The following SCAPER variants were observed in gnomAD, a reference collection of about 807,000 sequenced individuals.
The protein encoded by SCAPER is S-phase cyclin A associated protein in the ER.
SCAPER carries 98 observed loss-of-function variants against 182.2 expected under a neutral mutation model. The observed-to-expected ratio is 0.54, with a 90% CI of 0.46 to 0.64. SCAPER has a LOEUF of 0.64. SCAPER is among the 30% of genes least tolerant of loss of function. SCAPER has a pLI of 0.00. For missense variants in SCAPER, 1,432 were observed against 1,690.0 expected (o/e 0.85, Z 2.68); for synonymous variants, 605 against 564.6 (o/e 1.07, Z -1.01).
intron 15 of SCAPER, among the ~76,000 whole-genome samples, chr15:76,749,523 A>G (rs910514676): frequency 5.3e-5 from 8 of 152,078 alleles, no homozygotes; most frequent in African/African-American, 1.9e-4. Flanking sequence ...AAAAACATAC[A>G]GACTGGAAAG....
intron 21 of SCAPER, among the ~76,000 whole-genome samples, chr15:76,646,271 C>T (rs149888166): frequency 1.3e-4 from 20 of 152,210 alleles, no homozygotes; most frequent in African/African-American, 4.1e-4. Context: ...AACACACACA[C>T]GCACCCCCCA....
At chr15:76,754,462 G>C (rs539397835) in intron 14 of SCAPER, among the ~76,000 whole-genome samples, 1 of 151,998 alleles carries the variant, frequency 6.6e-6, no homozygotes, top group East Asian at 1.9e-4. Flanking sequence ...ATTTGCATAA[G>C]AAACATTCTC....
At chr15:76,872,584 T>C (rs1436516467) in intron 2 of SCAPER, among the ~76,000 whole-genome samples, 3 of 151,796 alleles carry the variant, frequency 2.0e-5, no homozygotes, top group African/African-American at 7.3e-5. Context: ...TTTTCTAGTA[T>C]AAAAAATATT....
intron 22 of SCAPER, among the ~76,000 whole-genome samples, chr15:76,604,992 T>A (rs530992415): frequency 6.6e-6 from 1 of 152,320 alleles, no homozygotes; most frequent in South Asian, 2.1e-4. Flanking sequence ...CTTGACTTCC[T>A]CTTTTCCTAA....
At chr15:76,497,989 CAAAAAAAAAA>C (rs747096625) in intron 24 of SCAPER, among the ~76,000 whole-genome samples, 30 of 58,328 alleles carry the variant, frequency 5.1e-4, no homozygotes, top group East Asian at 1.8e-3. Context: ...GACTCCGTCT[CAAAAAAAAAA>C]AAAAAAAAAA....
intron 23 of SCAPER, among the ~76,000 whole-genome samples, chr15:76,553,196 T>A (rs561945668): frequency 7.2e-5 from 11 of 152,322 alleles, no homozygotes; most frequent in Non-Finnish European, 1.5e-4. Context: ...CCAACCCAGC[T>A]GAGGCACAGG....
rs907521478 is a variant in SCAPER at position 76,574,230 on chromosome 15, G to A, written c.2766C>T (p.Gly922=). The change falls in exon 23 of 32, where the codon GGC becomes GGT. Residue 922 remains glycine (G), a synonymous_variant. Coordinates refer to ENST00000563290, the MANE Select transcript of SCAPER (RefSeq NM_020843.4). The part of the protein sequence containing the change: ...LLKQVQVQDS[G]SWANNKVSAL... ...CAGACACTTTATTGTTTGCCCATGA[G>A]CCACTGTCTTGAACTTGTACTTGTT... is the stretch of plus-strand genomic sequence containing the variant. 3 of 1,611,734 alleles carry A rather than the reference G, an allele frequency of 1.9e-6. No homozygotes were observed. The highest frequency in any genetic ancestry group is 2.7e-5 in the African/African-American group (2 of 74,870).
intron 23 of SCAPER, among the ~76,000 whole-genome samples, chr15:76,557,467 G>T (rs2046275715): frequency 6.6e-6 from 1 of 152,188 alleles, no homozygotes; most frequent in Non-Finnish European, 1.5e-5. Context: ...GAGGTGACTG[G>T]ATCATGTGGG....
chr15:76,579,792 T>C (rs1191866123), intron 22 of SCAPER, among the ~76,000 whole-genome samples: 2 of 151,814 alleles, frequency 1.3e-5, no homozygotes, highest in African/African-American at 4.8e-5. Flanking sequence ...ATTTCTCCTA[T>C]AAAGACACAC....
intron 17 of SCAPER, among the ~76,000 whole-genome samples, chr15:76,712,879 T>A (rs79583818): frequency 6.6e-6 from 1 of 150,602 alleles, no homozygotes. Flanking sequence ...TCATGTCATC[T>A]GCAAACAGGG....
At position 76,901,589 on chromosome 15, in the gene SCAPER, TTC is replaced by T. The variant is rs757579926; in HGVS notation, c.-60+3708_-60+3709del. 4.6e-5 allele frequency among the ~76,000 whole-genome samples: 7 copies of T among 152,376 alleles called. No individual in the cohort carries two copies. In the East Asian group the frequency reaches 9.6e-4, roughly 21 times the overall value. On this transcript the variant is annotated intron_variant, in intron 1 of 31. Transcript: ENST00000563290. ...TGATACATAGCAGTTCATCATACTA[TTC>T]TCTTTTGCGTATGTTTCAAAACATA...
intron 22 of SCAPER, among the ~76,000 whole-genome samples, chr15:76,604,856 T>C (rs1480255403): frequency 6.6e-6 from 1 of 151,698 alleles, no homozygotes; most frequent in East Asian, 1.9e-4. Context: ...AAAATGCTTG[T>C]GATTTTTGCA....
intron 5 of SCAPER, among the ~76,000 whole-genome samples, chr15:76,833,009 T>C (rs1474449383): frequency 6.6e-6 from 1 of 152,034 alleles, no homozygotes; most frequent in Non-Finnish European, 1.5e-5. Context: ...ACTAGACACA[T>C]CAACATGCAA....
chr15:76,503,224 C>T (rs139130929), intron 24 of SCAPER, among the ~76,000 whole-genome samples: 51 of 152,278 alleles, frequency 3.3e-4, no homozygotes, highest in African/African-American at 1.1e-3. Context: ...TTCTTCCTTT[C>T]TACCTTCCTC....
chr15:76,733,785 C>A (rs2061070908), intron 15 of SCAPER, among the ~76,000 whole-genome samples: 3 of 151,294 alleles, frequency 2.0e-5, no homozygotes, highest in South Asian at 2.1e-4. Context: ...AGAAATCTAA[C>A]AACAGTCTTT....
intron 26 of SCAPER, among the ~76,000 whole-genome samples, chr15:76,422,266 T>C (rs1204399193): frequency 5.3e-5 from 8 of 152,296 alleles, no homozygotes; most frequent in East Asian, 1.9e-4. Flanking sequence ...GAATGTTCTT[T>C]CATTTGTTTG....
intron 25 of SCAPER, among the ~76,000 whole-genome samples, chr15:76,450,221 G>A (rs911826215): frequency 6.6e-6 from 1 of 152,170 alleles, no homozygotes; most frequent in East Asian, 1.9e-4. Flanking sequence ...CTCAAAAGTG[G>A]AAGAAAGTGA....
chr15:76,720,205 T>A (rs2060135605), intron 17 of SCAPER, among the ~76,000 whole-genome samples: 1 of 152,038 alleles, frequency 6.6e-6, no homozygotes, highest in Non-Finnish European at 1.5e-5. Context: ...TTGCGATAGT[T>A]TGCTGAGAAT....
At chr15:76,418,653 T>G (rs1452845873) in intron 26 of SCAPER, among the ~76,000 whole-genome samples, 1 of 152,242 alleles carries the variant, frequency 6.6e-6, no homozygotes, top group African/African-American at 2.4e-5. Flanking sequence ...TCACTATAAC[T>G]GTAGCTGGCT....
Sources: gnomAD v4.1 joint callset for allele counts (sites outside exome capture counted in the v4.1 genomes callset) on GRCh38, gnomAD v4.1.1 for gene constraint, MANE v1.5 for transcripts, NCBI Gene and HGNC (gene_info 2026-07-23, HGNC 2026-07-21) for gene names.